Variants in CCT5 observed in about 807,000 individuals in gnomAD.
CCT5 encodes the protein T-complex protein 1 subunit epsilon.
Under a neutral mutation model 55.0 loss-of-function variants are expected in CCT5, and 6 were observed. The observed-to-expected ratio is 0.11, with a 90% confidence interval of 0.06 to 0.22. The LOEUF (loss-of-function observed/expected upper bound fraction) is 0.22. CCT5 is among the 10% of genes least tolerant of loss of function. The probability of loss-of-function intolerance (pLI) is 1.00; values close to 1 mark genes in which losing one functional copy is unlikely to be tolerated. For missense variants in CCT5, 560 were observed against 694.6 expected (o/e 0.81, Z 2.18); for synonymous variants, 231 against 243.7 (o/e 0.95, Z 0.49).
intron 3 of CCT5, 107 bp downstream of exon 3, chr5:10,254,945 A>G: frequency 1.1e-6 from 1 of 932,662 alleles, no homozygotes. Context: ...ATGAGGAGAC[A>G]GACAAATCCA....
chr5:10,254,616 A>T, intron 2 of CCT5, 58 bp from the exon 3 acceptor site: 1 of 1,467,420 alleles, frequency 6.8e-7, no homozygotes, highest in East Asian at 2.3e-5. Flanking sequence ...CTTGTTTTAT[A>T]GTTTGTGATA....
intron 3 of CCT5, among the ~76,000 whole-genome samples, chr5:10,255,560 G>A (rs1354746151): frequency 6.8e-6 from 1 of 146,142 alleles, no homozygotes; most frequent in Admixed American, 7.1e-5. Flanking sequence ...ACCCTAAAAT[G>A]AGGAGAAAGG....
At chr5:10,255,377 T>A (rs1252921562) in intron 3 of CCT5, among the ~76,000 whole-genome samples, 1 of 152,202 alleles carries the variant, frequency 6.6e-6, no homozygotes, top group African/African-American at 2.4e-5. Flanking sequence ...TTTCTGAAGA[T>A]TTGAAATCTT....
chr5:10,250,411 G>A lies in CCT5; in HGVS notation c.71G>A (p.Arg24His). The A allele has an allele frequency of 6.2e-7, 1 of 1,613,978 alleles. No homozygotes were observed. Among genetic ancestry groups the A allele is most frequent in the Non-Finnish European group, 8.5e-7 (1 of 1,180,036 alleles). The change falls in exon 1 of 11, where the codon CGC (arginine) becomes CAC (histidine). Residue 24 changes from arginine to histidine, a missense_variant. By Grantham distance (29) the Arg-to-His change is conservative. Transcript: ENST00000280326. Reference sequence around the variant, plus strand: ...TTCCTCATCATCAAGGATCAGGACCGCAAGTCCCGTCTTATGGGACTTGAG... The same window carrying A: ...TTCCTCATCATCAAGGATCAGGACCACAAGTCCCGTCTTATGGGACTTGAG... ...RPFLIIKDQD[R>H]KSRLMGLEAL...
intron 7 of CCT5, among the ~76,000 whole-genome samples, 195 bp from the exon 8 acceptor site, chr5:10,261,365 T>A (rs1167249484): frequency 6.6e-6 from 1 of 152,118 alleles, no homozygotes; most frequent in African/African-American, 2.4e-5. Flanking sequence ...AAAGCCCCAA[T>A]CAAGACGTCC....
chr5:10,264,971 A>G lies in CCT5; in HGVS notation c.*188A>G. 1 of 637,032 alleles carries G rather than the reference A, an allele frequency of 1.6e-6. No individual in the cohort carries two copies. The highest frequency in any genetic ancestry group is 2.0e-5 in the South Asian group (1 of 51,204). The allele number at this position is 637,032 out of a possible 1,614,324, so 39.5% of individuals were successfully genotyped here. ...GTGTAATCGTGGGGGTACCATCTCA[A>G]CTGCTTTTGTATTCATTGTATTAAA... is the stretch of plus-strand genomic sequence containing the variant. On this transcript the variant is annotated 3_prime_UTR_variant, in exon 11 of 11. Transcript: ENST00000280326.
At position 10,262,111 on chromosome 5, in the gene CCT5, G is replaced by A. The variant is rs1745995030; in HGVS notation, c.1179+366G>A. The A allele has an allele frequency of 7.7e-6, 3 of 390,668 alleles. No homozygotes were observed. The Admixed American group carries it at 1.1e-4, about 15-fold the overall frequency. 24.2% of individuals were successfully genotyped at this position (390,668 alleles called of 1,614,324 possible). On this transcript the variant is annotated intron_variant, in intron 8 of 10. Transcript: ENST00000280326. ...ATAAGACTCATTTTAATTACAATATGGTATTATTACCAAGGATGACTTACA... is the reference window on the plus strand; with the variant it reads ...ATAAGACTCATTTTAATTACAATATAGTATTATTACCAAGGATGACTTACA...
intron 3 of CCT5, among the ~76,000 whole-genome samples, chr5:10,255,549 G>T (rs180705377): frequency 6.7e-6 from 1 of 150,322 alleles, no homozygotes; most frequent in Admixed American, 6.7e-5. Flanking sequence ...TCATCTTTGC[G>T]ACCCTAAAAT....
At chr5:10,261,517 C>A in intron 7 of CCT5, 43 bp from the exon 8 acceptor site, 2 of 1,593,264 alleles carry the variant, frequency 1.3e-6, no homozygotes, top group Admixed American at 1.7e-5. Context: ...AAGTTAACTT[C>A]ACCAGTACTG....
intron 1 of CCT5, among the ~76,000 whole-genome samples, chr5:10,253,541 G>A (rs1173694183): frequency 6.6e-6 from 1 of 152,124 alleles, no homozygotes; most frequent in East Asian, 1.9e-4. Context: ...CTCTAGTACT[G>A]CATCCAGCTC....
At chr5:10,261,476 C>G in intron 7 of CCT5, 84 bp from the exon 8 acceptor site, 1 of 1,331,404 alleles carries the variant, frequency 7.5e-7, no homozygotes. Context: ...GGTCTTAGAT[C>G]AAGTTTTGCT....
At position 10,257,440 on chromosome 5, in the gene CCT5, A is replaced by G. The variant is rs557160784; in HGVS notation, c.531-671A>G. On this transcript the variant is annotated intron_variant, in intron 4 of 10. Transcript: ENST00000280326. ...TCTGTTTGCAAGTATTAAGTCATCT[A>G]CTTAAGATACAACATGTTTACTTTC... Among the ~76,000 whole-genome samples the G allele has an allele frequency of 2.6e-5, 4 of 152,376 alleles. No individual in the cohort carries two copies. The South Asian group carries it at 8.3e-4, about 32-fold the overall frequency.
At chr5:10,262,168 G>GT (rs960281762) in intron 8 of CCT5, 5 of 411,402 alleles carry the variant, frequency 1.2e-5, no homozygotes, top group Admixed American at 1.1e-4. Context: ...GGGAACCCAA[G>GT]TGAATAACCA....
intron 7 of CCT5, 87 bp from the exon 8 acceptor site, chr5:10,261,473 G>C (rs747569772): frequency 3.4e-5 from 44 of 1,301,574 alleles, no homozygotes; most frequent in Non-Finnish European, 4.7e-5. Flanking sequence ...GTTGGTCTTA[G>C]ATCAAGTTTT....
At chr5:10,250,763 C>T (rs1369735248) in intron 1 of CCT5, 35 of 1,219,308 alleles carry the variant, frequency 2.9e-5, no homozygotes, top group Non-Finnish European at 3.6e-5. Flanking sequence ...AGCCTGACGG[C>T]CGCGTGGGAC....
At chr5:10,250,095 C>G, upstream of CCT5, 1 of 1,536,554 alleles carries the variant, frequency 6.5e-7, no homozygotes, top group Non-Finnish European at 8.7e-7. Flanking sequence ...CTTGTGTGTC[C>G]TAAGATTTCC....
intron 1 of CCT5, among the ~76,000 whole-genome samples, chr5:10,251,996 T>A (rs537318875): frequency 6.6e-6 from 1 of 152,368 alleles, no homozygotes; most frequent in South Asian, 2.1e-4. Flanking sequence ...GAGAAATTGT[T>A]CTGAAGAGCA....
intron 10 of CCT5, among the ~76,000 whole-genome samples, chr5:10,263,918 C>T (rs148725969): frequency 2.2e-4 from 33 of 152,296 alleles, no homozygotes; most frequent in Non-Finnish European, 4.0e-4. Flanking sequence ...TCAATAGTAG[C>T]AACTCTTTGT....
intron 2 of CCT5, 55 bp from the exon 3 acceptor site, chr5:10,254,619 T>C: frequency 6.7e-7 from 1 of 1,503,192 alleles, no homozygotes; most frequent in Non-Finnish European, 9.3e-7. Flanking sequence ...GTTTTATAGT[T>C]TGTGATATTG....
Sources: allele counts gnomAD v4.1 joint callset (sites outside exome capture counted in the v4.1 genomes callset), GRCh38; gene constraint gnomAD v4.1.1; transcripts MANE v1.5; gene names NCBI Gene and HGNC (gene_info 2026-07-23, HGNC 2026-07-21).